SORCS1: variants seen among roughly 807,000 people sequenced by gnomAD.
The protein encoded by SORCS1 is VPS10 domain-containing receptor SorCS1.
In SORCS1, 60 loss-of-function variants were observed where a neutral mutation model predicts 146.1. The observed-to-expected ratio is 0.41, with a 90% CI of 0.33 to 0.51. The LOEUF (loss-of-function observed/expected upper bound fraction) is 0.51, where lower values mean the gene tolerates loss of function less well. Ranked by LOEUF, SORCS1 falls within the 20% of genes least tolerant of loss-of-function variation. The pLI, the probability that SORCS1 is intolerant of heterozygous loss-of-function variation, is 0.21. For missense variants in SORCS1, 1,352 were observed against 1,487.6 expected (o/e 0.91, Z 1.50); for synonymous variants, 637 against 584.0 (o/e 1.09, Z -1.31).
intron 18 of SORCS1, among the ~76,000 whole-genome samples, chr10:106,640,257 T>A (rs751517837): frequency 2.6e-5 from 4 of 152,338 alleles, no homozygotes; most frequent in Non-Finnish European, 2.9e-5. Flanking sequence ...CTGTGGGTAC[T>A]TTAGTGCTCC....
Position 106,597,333 on chromosome 10 carries a change from C to CG in SORCS1, c.3265+17dup. The CG allele has an allele frequency of 6.2e-7, 1 of 1,610,676 alleles. No homozygotes were observed. On this transcript the variant is annotated intron_variant, in intron 24 of 25. Coordinates refer to ENST00000263054, the MANE Select transcript of SORCS1 (RefSeq NM_052918.5). ...TTGCCAGAGCCACCAGCCAGAACCCCGGGACATGGACACTGACCCGCTGTT... is the reference window on the plus strand; with the variant it reads ...TTGCCAGAGCCACCAGCCAGAACCCCGGGGACATGGACACTGACCCGCTGTT...
chr10:107,159,979 G>T (rs545831689), intron 1 of SORCS1, among the ~76,000 whole-genome samples: 1 of 152,142 alleles, frequency 6.6e-6, no homozygotes, highest in Non-Finnish European at 1.5e-5. Flanking sequence ...CTGAATGATC[G>T]CAGGTTACCT....
intron 1 of SORCS1, among the ~76,000 whole-genome samples, chr10:107,130,209 C>T (rs948874463): frequency 7.2e-5 from 11 of 152,134 alleles, no homozygotes; most frequent in Admixed American, 7.2e-4. Flanking sequence ...TCTGAATAAC[C>T]TAGTCACTCT....
intron 1 of SORCS1, among the ~76,000 whole-genome samples, chr10:107,092,137 A>G (rs1335861429): frequency 2.0e-5 from 3 of 152,252 alleles, no homozygotes; most frequent in Non-Finnish European, 4.4e-5. Context: ...AGGTACATCC[A>G]TACATCTGAA....
chr10:107,027,775 C>T (rs1252617707), intron 1 of SORCS1, among the ~76,000 whole-genome samples: 1 of 152,160 alleles, frequency 6.6e-6, no homozygotes. Flanking sequence ...TTACTTGAGA[C>T]TCCAAACACA....
At chr10:107,144,415 C>A (rs1194035819) in intron 1 of SORCS1, among the ~76,000 whole-genome samples, 1 of 152,210 alleles carries the variant, frequency 6.6e-6, no homozygotes, top group Non-Finnish European at 1.5e-5. Flanking sequence ...TGGGCACATG[C>A]ATCCATATTT....
At chr10:107,106,942 T>C (rs552102568) in intron 1 of SORCS1, among the ~76,000 whole-genome samples, 96 of 152,288 alleles carry the variant, frequency 6.3e-4, no homozygotes, top group African/African-American at 2.1e-3. Flanking sequence ...AGATACCTAA[T>C]CTACTAGTGA....
chr10:107,118,028 G>A (rs897259356), intron 1 of SORCS1, among the ~76,000 whole-genome samples: 10 of 152,116 alleles, frequency 6.6e-5, no homozygotes, highest in African/African-American at 2.2e-4. Context: ...GCTATAGACT[G>A]AATGTTTATG....
intron 2 of SORCS1, among the ~76,000 whole-genome samples, chr10:106,918,092 G>T (rs758939711): frequency 1.3e-5 from 2 of 152,144 alleles, no homozygotes; most frequent in Admixed American, 6.5e-5. Flanking sequence ...CCTCCTGAGG[G>T]TAAGAATATG....
chr10:107,174,317 T>C, the SORCS1 span, among the ~76,000 whole-genome samples: 2 of 152,156 alleles, frequency 1.3e-5, no homozygotes, highest in Non-Finnish European at 2.9e-5. Context: ...GCCGTTCTCC[T>C]GCCTCAGCTT....
intron 5 of SORCS1, among the ~76,000 whole-genome samples, chr10:106,760,692 CAA>C (rs1280117944): frequency 1.6e-4 from 21 of 133,876 alleles, no homozygotes; most frequent in African/African-American, 6.0e-4. Flanking sequence ...TACATACACA[CAA>C]ACACACACAC....
chr10:106,611,980 A>G lies in SORCS1; in HGVS notation c.2964T>C (p.Asp988=). ...SLRLSFSPNL[D]DYNPDIPEWR... is the part of the protein sequence containing the mutation. The stretch of plus-strand genomic sequence containing the variant: ...ACTCAGGGATGTCCGGGTTGTAGTC[A>G]TCCAGGTTTGGAGAAAAGGACAAGC... The change falls in exon 22 of 26, where the codon GAT becomes GAC. Residue 988 remains aspartate (D), a synonymous_variant. Coordinates refer to ENST00000263054, the MANE Select transcript of SORCS1 (RefSeq NM_052918.5). 1 of 1,614,152 alleles carries G rather than the reference A, an allele frequency of 6.2e-7. No homozygotes were observed. The highest frequency in any genetic ancestry group is 8.5e-7 in the Non-Finnish European group (1 of 1,180,002).
chr10:106,843,931 C>G (rs112520813), intron 2 of SORCS1, among the ~76,000 whole-genome samples: 5 of 152,252 alleles, frequency 3.3e-5, no homozygotes, highest in African/African-American at 1.2e-4. Context: ...AATAAAACTG[C>G]TGGATCTATA....
At chr10:107,055,129 G>A (rs1960486131) in intron 1 of SORCS1, among the ~76,000 whole-genome samples, 1 of 152,216 alleles carries the variant, frequency 6.6e-6, no homozygotes, top group Non-Finnish European at 1.5e-5. Flanking sequence ...TCTTCATGGA[G>A]AGAGAAGGAG....
At chr10:106,840,868 T>A (rs1032455648) in intron 2 of SORCS1, among the ~76,000 whole-genome samples, 24 of 142,722 alleles carry the variant, frequency 1.7e-4, no homozygotes, top group Admixed American at 9.8e-4. Context: ...TATATATTTT[T>A]TTTTTTTGGA....
intron 2 of SORCS1, among the ~76,000 whole-genome samples, chr10:106,870,569 C>G (rs1950369833): frequency 6.6e-6 from 1 of 152,104 alleles, no homozygotes; most frequent in South Asian, 2.1e-4. Flanking sequence ...ACAAAGTTGA[C>G]TAAAACAAAC....
intron 3 of SORCS1, among the ~76,000 whole-genome samples, chr10:106,786,074 T>TGCA (rs531124551): frequency 2.6e-5 from 4 of 152,198 alleles, no homozygotes; most frequent in Non-Finnish European, 5.9e-5. Context: ...TTTTCATGAC[T>TGCA]GCATATTCTA....
chr10:106,591,360 G>GA (rs59877060), intron 24 of SORCS1, among the ~76,000 whole-genome samples: 12 of 150,732 alleles, frequency 8.0e-5, no homozygotes, highest in East Asian at 5.8e-4. Flanking sequence ...CCTGCCATAA[G>GA]AAAAAAAAAT....
At chr10:106,844,229 G>T (rs928677213) in intron 2 of SORCS1, among the ~76,000 whole-genome samples, 1 of 151,922 alleles carries the variant, frequency 6.6e-6, no homozygotes, top group Admixed American at 6.6e-5. Context: ...TTTTAATCAG[G>T]TTTTTTGTTT....
Sources: allele counts gnomAD v4.1 joint callset (sites outside exome capture counted in the v4.1 genomes callset), GRCh38; gene constraint gnomAD v4.1.1; transcripts MANE v1.5; gene names NCBI Gene and HGNC (gene_info 2026-07-23, HGNC 2026-07-21).